Variants in KCNH5 observed in about 807,000 individuals in gnomAD.
The protein encoded by KCNH5 is voltage-gated delayed rectifier potassium channel KCNH5.
Under a neutral mutation model 96.1 loss-of-function variants are expected in KCNH5, and 46 were observed. The observed-to-expected ratio is 0.48, with a 90% CI of 0.38 to 0.61. The LOEUF (loss-of-function observed/expected upper bound fraction) is 0.61, where lower values mean the gene tolerates loss of function less well. KCNH5 is among the 20% of genes least tolerant of loss of function. KCNH5 has a pLI of 0.00. For missense variants in KCNH5, 907 were observed against 1,225.8 expected (o/e 0.74, Z 3.88); for synonymous variants, 439 against 449.8 (o/e 0.98, Z 0.30).
chr14:63,041,318 G>C (rs1411771053), intron 1 of KCNH5, among the ~76,000 whole-genome samples: 1 of 152,092 alleles, frequency 6.6e-6, no homozygotes, highest in Non-Finnish European at 1.5e-5. Context: ...GCCCAATTTA[G>C]ATTAATAGTT....
At chr14:62,783,949 A>G (rs996186780) in intron 9 of KCNH5, among the ~76,000 whole-genome samples, 15 of 152,006 alleles carry the variant, frequency 9.9e-5, no homozygotes, top group African/African-American at 3.6e-4. Flanking sequence ...TTTTCTTAAG[A>G]AAATTCTCTT....
chr14:62,806,710 A>G (rs1886773933), intron 8 of KCNH5, among the ~76,000 whole-genome samples: 1 of 152,066 alleles, frequency 6.6e-6, no homozygotes, highest in Non-Finnish European at 1.5e-5. Flanking sequence ...AAAGGCAAGG[A>G]TGCCTGACTG....
intron 10 of KCNH5, among the ~76,000 whole-genome samples, chr14:62,729,627 A>G (rs1885008149): frequency 6.6e-6 from 1 of 152,224 alleles, no homozygotes; most frequent in Non-Finnish European, 1.5e-5. Context: ...GATAAGCCAT[A>G]GAGTCAATCT....
At position 63,044,204 on chromosome 14, in the gene KCNH5, T is replaced by C. The variant is rs1009003072; in HGVS notation, c.73+910A>G. Reference sequence around the variant, plus strand: ...ATATCTTACTTATGAAGTTTAAAATTATACAAAAGAATTAAAAACAAGTAG... The same window carrying C: ...ATATCTTACTTATGAAGTTTAAAATCATACAAAAGAATTAAAAACAAGTAG... On this transcript the variant is annotated intron_variant, in intron 1 of 10. Transcript: ENST00000322893. Among the ~76,000 whole-genome samples, 24 of 152,158 alleles carry C rather than the reference T, an allele frequency of 1.6e-4. 1 individual carries two copies. The highest frequency in any genetic ancestry group is 5.3e-4 in the African/African-American group (22 of 41,442).
intron 6 of KCNH5, among the ~76,000 whole-genome samples, chr14:62,955,945 C>T (rs1380563014): frequency 2.0e-5 from 3 of 152,172 alleles, no homozygotes; most frequent in Non-Finnish European, 2.9e-5. Context: ...AGACCCAGTC[C>T]TTCAGATTCT....
chr14:62,914,763 T>C (rs1260102388), intron 7 of KCNH5, among the ~76,000 whole-genome samples: 3 of 152,170 alleles, frequency 2.0e-5, no homozygotes, highest in African/African-American at 7.2e-5. Context: ...AGAAATAAAT[T>C]TCTGTTGTTT....
intron 8 of KCNH5, among the ~76,000 whole-genome samples, chr14:62,818,103 TG>T (rs71120236): frequency 0.48 from 18,963 of 39,704 alleles, 2,443 homozygotes; most frequent in East Asian, 0.58. Context: ...TACCAGGAGC[TG>T]GGGGCGGGGG....
intron 10 of KCNH5, among the ~76,000 whole-genome samples, chr14:62,765,016 A>C (rs1370780741): frequency 6.6e-6 from 1 of 152,196 alleles, no homozygotes; most frequent in Non-Finnish European, 1.5e-5. Context: ...AATTAGAAAA[A>C]ACTATTCTAA....
At chr14:62,882,360 C>T (rs983696721) in intron 7 of KCNH5, among the ~76,000 whole-genome samples, 5 of 152,192 alleles carry the variant, frequency 3.3e-5, no homozygotes, top group African/African-American at 9.7e-5. Flanking sequence ...ACTAAGAATT[C>T]TCTCTACTGA....
At chr14:63,005,651 T>C (rs34190120) in intron 3 of KCNH5, among the ~76,000 whole-genome samples, 1,567 of 152,316 alleles carry the variant, frequency 0.01, 21 homozygotes, top group African/African-American at 0.036. Flanking sequence ...TAAGTAACCA[T>C]GCAAATAAAG....
chr14:62,852,995 C>T (rs528699885), intron 7 of KCNH5, among the ~76,000 whole-genome samples: 1 of 152,300 alleles, frequency 6.6e-6, no homozygotes, highest in African/African-American at 2.4e-5. Context: ...TTGGATCTAA[C>T]ACATCCGAAA....
chr14:62,911,539 A>ACC (rs1889155231), intron 7 of KCNH5, among the ~76,000 whole-genome samples: 1 of 152,228 alleles, frequency 6.6e-6, no homozygotes, highest in Admixed American at 6.5e-5. Flanking sequence ...ATTGTACCCT[A>ACC]CCAGATCCAA....
At chr14:62,813,177 G>A (rs1356642194) in intron 8 of KCNH5, among the ~76,000 whole-genome samples, 1 of 152,150 alleles carries the variant, frequency 6.6e-6, no homozygotes, top group African/African-American at 2.4e-5. Flanking sequence ...AACTGTGTAT[G>A]AGAGTATGTT....
At chr14:62,839,519 A>G (rs1887532313) in intron 8 of KCNH5, among the ~76,000 whole-genome samples, 1 of 152,206 alleles carries the variant, frequency 6.6e-6, no homozygotes, top group African/African-American at 2.4e-5. Flanking sequence ...GCAGACCCAC[A>G]TATTTATTTA....
chr14:62,766,815 A>G (rs111590174), intron 10 of KCNH5, among the ~76,000 whole-genome samples: 15 of 152,240 alleles, frequency 9.9e-5, no homozygotes, highest in Non-Finnish European at 1.8e-4. Flanking sequence ...CCACTTTAAA[A>G]TAACTAAAAG....
intron 8 of KCNH5, among the ~76,000 whole-genome samples, chr14:62,827,423 A>C (rs1256086689): frequency 6.6e-6 from 1 of 152,194 alleles, no homozygotes; most frequent in African/African-American, 2.4e-5. Context: ...CATGTGTATT[A>C]ACATTTGAAA....
At chr14:63,006,077 A>T (rs1025318528) in intron 3 of KCNH5, among the ~76,000 whole-genome samples, 1 of 152,234 alleles carries the variant, frequency 6.6e-6, no homozygotes, top group Non-Finnish European at 1.5e-5. Context: ...TCGTTGTCAC[A>T]TAATTATAGG....
At chr14:62,797,050 G>A (rs570956842) in intron 9 of KCNH5, among the ~76,000 whole-genome samples, 4 of 152,164 alleles carry the variant, frequency 2.6e-5, no homozygotes, top group Non-Finnish European at 5.9e-5. Context: ...TGATCTTGGG[G>A]GCCCAAGATG....
chr14:63,028,474 A>G (rs1380430014), intron 1 of KCNH5, among the ~76,000 whole-genome samples: 2 of 152,188 alleles, frequency 1.3e-5, no homozygotes, highest in African/African-American at 4.8e-5. Context: ...TCATCAGGCA[A>G]TAAGTCACAG....
Sources: allele counts gnomAD v4.1 joint callset (sites outside exome capture counted in the v4.1 genomes callset), GRCh38; gene constraint gnomAD v4.1.1; transcripts MANE v1.5; gene names NCBI Gene and HGNC (gene_info 2026-07-23, HGNC 2026-07-21).